The following CSMD1 variants were observed in gnomAD, a reference collection of about 807,000 sequenced individuals.
CSMD1 encodes CUB and Sushi multiple domains 1, also known as CUB and sushi domain-containing protein 1.
In CSMD1, 213 loss-of-function variants were observed where a neutral mutation model predicts 417.5. The ratio of observed to expected loss-of-function variants is 0.51; its 90% CI spans 0.46 to 0.57. The LOEUF is 0.57. Ranked by LOEUF, CSMD1 falls within the 20% of genes least tolerant of loss-of-function variation. The probability of loss-of-function intolerance (pLI) is 0.00; values close to 1 mark genes in which losing one functional copy is unlikely to be tolerated. For missense variants in CSMD1, 6,923 were observed against 4,529.7 expected (o/e 1.53, Z -15.17); for synonymous variants, 2,862 against 1,736.8 (o/e 1.65, Z -16.11).
intron 3 of CSMD1, among the ~76,000 whole-genome samples, chr8:4,161,881 T>C (rs1797192150): frequency 1.3e-5 from 2 of 152,246 alleles, no homozygotes; most frequent in African/African-American, 4.8e-5. Context: ...TTAGATTTTA[T>C]AATGGTTCAG....
intron 25 of CSMD1, among the ~76,000 whole-genome samples, chr8:3,307,459 G>A (rs1268712568): frequency 6.6e-6 from 1 of 152,136 alleles, no homozygotes; most frequent in Non-Finnish European, 1.5e-5. Context: ...TTGTTATGCA[G>A]CAGAAGCTAA....
At position 3,406,167 on chromosome 8, in the gene CSMD1, A is replaced by T; in HGVS notation, c.2126T>A (p.Phe709Tyr). The T allele has an allele frequency of 6.2e-7, 1 of 1,613,342 alleles. No individual in the cohort carries two copies. Among genetic ancestry groups the T allele is most frequent in the Non-Finnish European group, 8.5e-7 (1 of 1,179,580 alleles). ...GCTCCCGAGTAGAAACCTGTCACCA[A>T]AACGTCGTCCGTTTATAGGAATGCC... ...DPGIPINGRR[F>Y]GDRFLLGSSV... is the part of the protein sequence containing the mutation. Residue 709 changes from phenylalanine (F) to tyrosine (Y), a missense_variant, in exon 15 of 70, where the codon TTT becomes TAT. Coordinates refer to ENST00000635120, the MANE Select transcript of CSMD1 (RefSeq NM_033225.6).
At chr8:4,649,305 C>T (rs934630595) in intron 1 of CSMD1, among the ~76,000 whole-genome samples, 5 of 152,202 alleles carry the variant, frequency 3.3e-5, no homozygotes, top group African/African-American at 1.2e-4. Flanking sequence ...GATATTATTA[C>T]TACCTACAGT....
At chr8:4,728,701 A>G (rs1293413592) in intron 1 of CSMD1, among the ~76,000 whole-genome samples, 1 of 152,084 alleles carries the variant, frequency 6.6e-6, no homozygotes, top group Non-Finnish European at 1.5e-5. Context: ...TGTTTTACAT[A>G]TTTCTATTTG....
chr8:3,513,356 G>C (rs1414471509), intron 10 of CSMD1, among the ~76,000 whole-genome samples: 1 of 135,560 alleles, frequency 7.4e-6, no homozygotes. Flanking sequence ...TTTTTTTTGA[G>C]ATGGAGTCTT....
chr8:4,241,740 G>C (rs1215327149), intron 3 of CSMD1, among the ~76,000 whole-genome samples: 2 of 143,632 alleles, frequency 1.4e-5, no homozygotes, highest in Non-Finnish European at 1.5e-5. Context: ...GTCTCGCTCT[G>C]TCGCCCAGGC....
intron 2 of CSMD1, among the ~76,000 whole-genome samples, chr8:4,448,817 G>C (rs1281078908): frequency 6.6e-6 from 1 of 152,098 alleles, no homozygotes; most frequent in Non-Finnish European, 1.5e-5. Flanking sequence ...ACCTAATTCT[G>C]GGACAGGGTA....
intron 2 of CSMD1, among the ~76,000 whole-genome samples, chr8:4,535,588 A>T (rs2130485550): frequency 6.6e-6 from 1 of 152,322 alleles, no homozygotes; most frequent in Non-Finnish European, 1.5e-5. Flanking sequence ...TAAGTCATCC[A>T]AGATAGCATC....
chr8:3,605,234 C>A (rs1801553807), intron 8 of CSMD1, among the ~76,000 whole-genome samples: 1 of 152,174 alleles, frequency 6.6e-6, no homozygotes, highest in African/African-American at 2.4e-5. Context: ...TTGTGATCCA[C>A]CCGCCTCGGC....
intron 12 of CSMD1, among the ~76,000 whole-genome samples, chr8:3,411,815 TAC>T (rs1491286443): frequency 7.2e-5 from 9 of 125,248 alleles, no homozygotes; most frequent in African/African-American, 2.4e-4. Flanking sequence ...CACGTATATA[TAC>T]GTGTATATGT....
chr8:3,062,149 C>T (rs1260326230), intron 49 of CSMD1, among the ~76,000 whole-genome samples: 24 of 152,074 alleles, frequency 1.6e-4, no homozygotes, highest in Admixed American at 1.3e-3. Flanking sequence ...TTTCTGGGTC[C>T]TTTCTTTTTT....
At chr8:4,336,414 G>A (rs1800175572) in intron 3 of CSMD1, among the ~76,000 whole-genome samples, 1 of 152,142 alleles carries the variant, frequency 6.6e-6, no homozygotes, top group Non-Finnish European at 1.5e-5. Context: ...CTGATGGAAT[G>A]ACCCTAAGGC....
intron 10 of CSMD1, among the ~76,000 whole-genome samples, chr8:3,520,789 C>G (rs1050374708): frequency 6.6e-6 from 1 of 152,068 alleles, no homozygotes; most frequent in African/African-American, 2.4e-5. Context: ...ACCCCATCAC[C>G]ACATCTGTAG....
Position 3,984,139 on chromosome 8 carries a change from G to A in CSMD1, c.818+13764C>T, listed in dbSNP as rs533910568. The stretch of plus-strand genomic sequence containing the variant: ...AGCACACAGCAGATCTGATGGGGCT[G>A]TCAATTGCAGCTCTAGAGCACATCG... On this transcript the variant is annotated intron_variant, in intron 5 of 69. Transcript: ENST00000635120. Among the ~76,000 whole-genome samples, 269 of 152,288 alleles carry A rather than the reference G, an allele frequency of 1.8e-3. 1 individual carries two copies. Among genetic ancestry groups the A allele is most frequent in the African/African-American group, 6.3e-3 (260 of 41,566 alleles).
intron 5 of CSMD1, among the ~76,000 whole-genome samples, chr8:3,813,537 C>G (rs1268260322): frequency 1.3e-5 from 2 of 152,122 alleles, no homozygotes; most frequent in Non-Finnish European, 2.9e-5. Context: ...TCCATCTACT[C>G]TAATATAACA....
chr8:3,895,944 G>T (rs573402237), intron 5 of CSMD1, among the ~76,000 whole-genome samples: 1 of 152,134 alleles, frequency 6.6e-6, no homozygotes, highest in South Asian at 2.1e-4. Flanking sequence ...AGGCACTTTA[G>T]GTCCCACTTG....
At chr8:3,972,631 G>C (rs755263123) in intron 5 of CSMD1, among the ~76,000 whole-genome samples, 12 of 152,222 alleles carry the variant, frequency 7.9e-5, no homozygotes, top group Admixed American at 2.6e-4. Context: ...ATTTGCTTAA[G>C]TTAGTTTACA....
intron 3 of CSMD1, among the ~76,000 whole-genome samples, chr8:4,105,915 G>T (rs1303265267): frequency 6.6e-6 from 1 of 152,208 alleles, no homozygotes; most frequent in African/African-American, 2.4e-5. Flanking sequence ...GCAGGCTTCA[G>T]CCCAAGGTTC....
At chr8:4,092,468 G>C (rs1006210564) in intron 3 of CSMD1, among the ~76,000 whole-genome samples, 1 of 152,046 alleles carries the variant, frequency 6.6e-6, no homozygotes, top group African/African-American at 2.4e-5. Context: ...CTTATCTTTG[G>C]TAAAATGATA....
Sources: allele counts gnomAD v4.1 joint callset (sites outside exome capture counted in the v4.1 genomes callset), GRCh38; gene constraint gnomAD v4.1.1; transcripts MANE v1.5; gene names NCBI Gene and HGNC (gene_info 2026-07-23, HGNC 2026-07-21).